Variants in CACNA1A observed in about 807,000 individuals in gnomAD.
CACNA1A encodes calcium voltage-gated channel subunit alpha1 A, also known as voltage-dependent P/Q-type calcium channel subunit alpha-1A.
CACNA1A carries 57 observed loss-of-function variants against 262.4 expected under a neutral mutation model. That is an observed-to-expected ratio of 0.22 (90% CI 0.18 to 0.27). CACNA1A has a LOEUF of 0.27. Among genes scored for constraint, CACNA1A ranks in the 10% least tolerant of loss-of-function variants. CACNA1A has a pLI of 1.00. For synonymous variants in CACNA1A, 1,431 were observed against 1,419.3 expected, an observed-to-expected ratio of 1.01 and a Z score of -0.18; for missense variants, 2,526 against 3,562.8, an observed-to-expected ratio of 0.71 and a Z score of 7.41.
At chr19:13,393,817 T>TCCTTC (rs777434436) in intron 3 of CACNA1A, among the ~76,000 whole-genome samples, 16,995 of 93,574 alleles carry the variant, frequency 0.18, 1,871 homozygotes, top group East Asian at 0.33. Context: ...TTCCTCTCTC[T>TCCTTC]CTCTCTCTCT....
intron 22 of CACNA1A, among the ~76,000 whole-genome samples, chr19:13,282,188 G>T (rs1484856333): frequency 1.3e-5 from 2 of 152,244 alleles, no homozygotes; most frequent in African/African-American, 4.8e-5. Flanking sequence ...GGGAAGGAAG[G>T]GAAAGTGCAT....
chr19:13,334,310 G>A (rs890365925), intron 8 of CACNA1A, 68 bp downstream of exon 8: 3 of 889,922 alleles, frequency 3.4e-6, no homozygotes, highest in Non-Finnish European at 5.7e-6. Context: ...TCTCCAAACT[G>A]CATGACTCTC....
Position 13,235,104 on chromosome 19 carries a change from A to G in CACNA1A, c.5134-68T>C, listed in dbSNP as rs1031108854. On this transcript the variant is annotated intron_variant, in intron 33 of 46. Transcript: ENST00000360228. Reference sequence around the variant, plus strand: ...AGTGGCTTCTGGGAAACCCAGCTCAACCTCCATGGCTGCTTCTGTGAACCA... The same window carrying G: ...AGTGGCTTCTGGGAAACCCAGCTCAGCCTCCATGGCTGCTTCTGTGAACCA... 8 of 1,540,124 alleles carry G rather than the reference A, an allele frequency of 5.2e-6. No homozygotes were observed. The East Asian group carries it at 9.0e-5, about 17-fold the overall frequency.
chr19:13,312,630 G>T (rs758459454), intron 12 of CACNA1A, 39 bp downstream of exon 12: 1 of 1,205,754 alleles, frequency 8.3e-7, no homozygotes, highest in Non-Finnish European at 1.2e-6. Context: ...TTCCAGGCAA[G>T]AGCTGGAGAA....
chr19:13,355,270 C>T (rs1356655181), intron 6 of CACNA1A, among the ~76,000 whole-genome samples: 1 of 152,150 alleles, frequency 6.6e-6, no homozygotes, highest in African/African-American at 2.4e-5. Context: ...CAGCAAAAGC[C>T]AGGAAGAAGC....
intron 24 of CACNA1A, among the ~76,000 whole-genome samples, chr19:13,264,462 TC>T (rs1299131381): frequency 3.3e-5 from 5 of 152,206 alleles, no homozygotes. Flanking sequence ...TCAGAATTCT[TC>T]TGGAGCACGT....
At chr19:13,307,566 G>A in intron 15 of CACNA1A, 1 of 550,602 alleles carries the variant, frequency 1.8e-6, no homozygotes, top group Non-Finnish European at 3.2e-6. Flanking sequence ...GAGCCACCGT[G>A]CCCAGCCACA....
chr19:13,478,506 C>T (rs951470525), intron 1 of CACNA1A, among the ~76,000 whole-genome samples: 4 of 151,960 alleles, frequency 2.6e-5, no homozygotes, highest in Admixed American at 6.6e-5. Flanking sequence ...TTTGTAGAGA[C>T]GGGTCTTGCT....
At chr19:13,439,519 C>A (rs1447531448) in intron 3 of CACNA1A, among the ~76,000 whole-genome samples, 1 of 151,842 alleles carries the variant, frequency 6.6e-6, no homozygotes, top group East Asian at 1.9e-4. Flanking sequence ...CCTGCCTCAG[C>A]CTCCCCAGTA....
intron 6 of CACNA1A, among the ~76,000 whole-genome samples, chr19:13,347,065 T>G (rs1194428946): frequency 7.6e-5 from 5 of 65,790 alleles, no homozygotes; most frequent in African/African-American, 1.8e-4. Context: ...TTTTGTTTTT[T>G]TGTTTTTTTT....
intron 1 of CACNA1A, among the ~76,000 whole-genome samples, chr19:13,493,789 C>T (rs1473388026): frequency 6.6e-6 from 1 of 152,152 alleles, no homozygotes; most frequent in Non-Finnish European, 1.5e-5. Flanking sequence ...AACAAACAGC[C>T]AGAGATTGTT....
intron 1 of CACNA1A, among the ~76,000 whole-genome samples, chr19:13,489,313 A>G (rs544863364): frequency 1.3e-5 from 2 of 151,920 alleles, no homozygotes; most frequent in South Asian, 4.2e-4. Flanking sequence ...TGTGGCCTGT[A>G]ATTAATTTCT....
chr19:13,345,001 C>T (rs547885243), intron 6 of CACNA1A, among the ~76,000 whole-genome samples: 4 of 152,124 alleles, frequency 2.6e-5, no homozygotes, highest in South Asian at 4.2e-4. Context: ...TCAAGCAATC[C>T]GCCCTCCTCA....
At chr19:13,396,103 C>CAAA (rs2059806692) in intron 3 of CACNA1A, among the ~76,000 whole-genome samples, 1 of 152,212 alleles carries the variant, frequency 6.6e-6, no homozygotes, top group Non-Finnish European at 1.5e-5. Flanking sequence ...GCCTTTTCTC[C>CAAA]AATTAATATG....
chr19:13,500,292 A>G (rs1345649), intron 1 of CACNA1A, among the ~76,000 whole-genome samples: 110,435 of 152,114 alleles, frequency 0.73, 41,073 homozygotes, highest in African/African-American at 0.9. Flanking sequence ...GCAGTGGTGA[A>G]GAACAGGGTA....
At position 13,376,709 on chromosome 19, in the gene CACNA1A, C is replaced by T. The variant is rs2059413696; in HGVS notation, c.540-4930G>A. ...CACATAATATATGTTACATATGATA[C>T]ACTACACATAATATATGTTATATAT... On this transcript the variant is annotated intron_variant, in intron 3 of 46. Transcript: ENST00000360228. Among the ~76,000 whole-genome samples the T allele has an allele frequency of 2.1e-5, 3 of 146,052 alleles. 1 individual carries two copies. Among genetic ancestry groups the T allele is most frequent in the African/African-American group, 7.5e-5 (3 of 39,736 alleles).
At chr19:13,423,960 TCTC>T (rs2060357885) in intron 3 of CACNA1A, among the ~76,000 whole-genome samples, 1 of 152,090 alleles carries the variant, frequency 6.6e-6, no homozygotes, top group Non-Finnish European at 1.5e-5. Context: ...CTCTCTGACT[TCTC>T]CCCTCCACAG....
At chr19:13,454,022 C>T (rs1021609417) in intron 2 of CACNA1A, among the ~76,000 whole-genome samples, 1 of 151,832 alleles carries the variant, frequency 6.6e-6, no homozygotes, top group Non-Finnish European at 1.5e-5. Context: ...TCCTAAAACC[C>T]TTGGGATCTC....
At position 13,489,003 on chromosome 19, in the gene CACNA1A, C is replaced by CTTTTTTTTTTTTTTTTTT. The variant is rs896790084; in HGVS notation, c.293+16911_293+16928dup. On this transcript the variant is annotated intron_variant, in intron 1 of 46. Coordinates refer to ENST00000360228, the MANE Select transcript of CACNA1A (RefSeq NM_001127222.2). ...TATTGTAATTAATTTCTTTTCTTTT[C>CTTTTTTTTTTTTTTTTTT]TTTTTTTTTTTTTTTTTTTTTTTTT... 7.7e-4 allele frequency among the ~76,000 whole-genome samples: 58 copies of CTTTTTTTTTTTTTTTTTT among 75,220 alleles called. 12 individuals carry two copies. The highest frequency in any genetic ancestry group is 3.9e-3 in the African/African-American group (54 of 13,784). The allele number at this position is 75,220 out of a possible 152,430, so 49.3% of individuals were successfully genotyped here. A position where few individuals can be genotyped will look rare whatever the true frequency, so the allele number is the denominator to read the frequency against.
Sources: allele counts gnomAD v4.1 joint callset (sites outside exome capture counted in the v4.1 genomes callset), GRCh38; gene constraint gnomAD v4.1.1; transcripts MANE v1.5; gene names NCBI Gene and HGNC (gene_info 2026-07-23, HGNC 2026-07-21).